Variants in CUTC observed in about 807,000 individuals in gnomAD.
CUTC encodes cutC copper transporter, also known as copper homeostasis protein cutC homolog.
Under a neutral mutation model 36.2 loss-of-function variants are expected in CUTC, and 27 were observed. That is an observed-to-expected ratio of 0.75 (90% CI 0.55 to 1.03). CUTC has a LOEUF of 1.03. CUTC is among the 50% of genes least tolerant of loss of function. The probability of loss-of-function intolerance (pLI) is 0.00; values close to 1 mark genes in which losing one functional copy is unlikely to be tolerated. For synonymous variants in CUTC, 114 were observed against 118.3 expected (o/e 0.96, Z 0.24); for missense variants, 315 against 343.5 (o/e 0.92, Z 0.66).
intron 6 of CUTC, among the ~76,000 whole-genome samples, chr10:99,748,776 T>C (rs958176914): frequency 1.3e-5 from 2 of 152,008 alleles, no homozygotes; most frequent in African/African-American, 2.4e-5. Flanking sequence ...TTGGGGGCAG[T>C]GGGAGTGAGG....
intron 1 of CUTC, among the ~76,000 whole-genome samples, chr10:99,732,823 G>A (rs2037231112): frequency 6.6e-6 from 1 of 152,142 alleles, no homozygotes; most frequent in African/African-American, 2.4e-5. Flanking sequence ...CGGCGGGGAC[G>A]GGGCTTGGTC....
chr10:99,755,225 C>T (rs1324511006), intron 8 of CUTC, among the ~76,000 whole-genome samples: 1 of 152,050 alleles, frequency 6.6e-6, no homozygotes, highest in Admixed American at 6.6e-5. Flanking sequence ...AGGTGGCTCA[C>T]ACCTGTAATC....
chr10:99,742,165 C>T (rs1214709493), intron 3 of CUTC, among the ~76,000 whole-genome samples: 5 of 152,106 alleles, frequency 3.3e-5, no homozygotes, highest in Admixed American at 3.3e-4. Flanking sequence ...GCTTAATGTC[C>T]AGTGTCTTGC....
At chr10:99,747,487 T>G (rs905783032) in intron 6 of CUTC, 97 bp downstream of exon 6, 296 of 1,396,022 alleles carry the variant, frequency 2.1e-4, no homozygotes, top group Non-Finnish European at 2.8e-4. Flanking sequence ...TATTACTGAC[T>G]TTGTGGTTAC....
intron 1 of CUTC, 123 bp downstream of exon 1, chr10:99,732,532 C>T (rs2037220371): frequency 1.3e-6 from 2 of 1,488,576 alleles, no homozygotes; most frequent in Non-Finnish European, 8.9e-7. Context: ...GCCCCTTGGG[C>T]GGCACCTTCT....
In CUTC at chr10:99,736,228, A is replaced by G. The variant is rs2037296163; in HGVS notation, c.62-18A>G. On this transcript the variant is annotated intron_variant, in intron 1 of 8. Coordinates refer to ENST00000370476, the MANE Select transcript of CUTC (RefSeq NM_015960.3). ...GATAGAACCTTTATGAACTCTTACC[A>G]TTCTCCATGTATTTTAGGAGCAGCA... 5 of 1,609,262 alleles carry G rather than the reference A, an allele frequency of 3.1e-6. No homozygotes were observed. The highest frequency in any genetic ancestry group is 1.7e-5 in the Admixed American group (1 of 59,994).
chr10:99,747,660 G>A (rs2037388785), intron 6 of CUTC, among the ~76,000 whole-genome samples: 1 of 152,168 alleles, frequency 6.6e-6, no homozygotes, highest in South Asian at 2.1e-4. Context: ...TCTCTGCCAT[G>A]GGCATTGCAG....
intron 5 of CUTC, among the ~76,000 whole-genome samples, chr10:99,746,090 A>G (rs2037375827): frequency 6.6e-6 from 1 of 152,198 alleles, no homozygotes. Flanking sequence ...TCACCTGCCT[A>G]TCACATTTAA....
chr10:99,732,697 T>A, intron 1 of CUTC: 2 of 1,223,904 alleles, frequency 1.6e-6, no homozygotes, highest in Non-Finnish European at 2.1e-6. Context: ...TCACGTTTTT[T>A]CCGTCGCCAC....
intron 4 of CUTC, 30 bp downstream of exon 4, chr10:99,743,392 C>T (rs773721032): frequency 1.3e-6 from 2 of 1,575,610 alleles, no homozygotes; most frequent in Non-Finnish European, 1.7e-6. Context: ...ACGTAAAAGC[C>T]TCTAATGATA....
At chr10:99,751,364 T>A (rs952979746) in intron 7 of CUTC, among the ~76,000 whole-genome samples, 1 of 152,204 alleles carries the variant, frequency 6.6e-6, no homozygotes, top group Admixed American at 6.5e-5. Context: ...TTTGTTTGTT[T>A]GTTTGTTTTT....
intron 7 of CUTC, among the ~76,000 whole-genome samples, chr10:99,750,855 A>G (rs1359274676): frequency 6.6e-6 from 1 of 152,212 alleles, no homozygotes; most frequent in Non-Finnish European, 1.5e-5. Flanking sequence ...CTGATTGCCA[A>G]ATTATTTCTT....
At chr10:99,739,870 C>CTATGT (rs1447029330) in intron 3 of CUTC, 101 bp downstream of exon 3, 5 of 824,112 alleles carry the variant, frequency 6.1e-6, no homozygotes, top group Non-Finnish European at 9.9e-6. Flanking sequence ...GTCATGTTAA[C>CTATGT]TATGTTATGG....
At chr10:99,742,994 A>G (rs1434877816) in intron 3 of CUTC, among the ~76,000 whole-genome samples, 159 bp from the exon 4 acceptor site, 2 of 152,166 alleles carry the variant, frequency 1.3e-5, no homozygotes, top group Non-Finnish European at 2.9e-5. Flanking sequence ...AAATCGTTCT[A>G]TTTAACCCTT....
At chr10:99,748,658 G>A (rs1275936537) in intron 6 of CUTC, among the ~76,000 whole-genome samples, 1 of 152,108 alleles carries the variant, frequency 6.6e-6, no homozygotes, top group African/African-American at 2.4e-5. Context: ...CCCAAATTTG[G>A]GGAAATGAAG....
intron 5 of CUTC, among the ~76,000 whole-genome samples, chr10:99,746,753 A>G (rs1564657104): frequency 1.3e-5 from 2 of 151,780 alleles, no homozygotes; most frequent in African/African-American, 4.8e-5. Context: ...CCTTCACTGA[A>G]TTTTTTTATT....
chr10:99,732,523 C>T, intron 1 of CUTC, 114 bp downstream of exon 1: 1 of 1,500,722 alleles, frequency 6.7e-7, no homozygotes, highest in East Asian at 2.5e-5. Flanking sequence ...CTCCTTCCAG[C>T]CCCTTGGGCG....
chr10:99,732,436 G>T, intron 1 of CUTC, 27 bp downstream of exon 1: 1 of 1,549,188 alleles, frequency 6.5e-7, no homozygotes, highest in Non-Finnish European at 8.7e-7. Context: ...GGGAGGGGAC[G>T]GTCGGCCGAA....
intron 2 of CUTC, among the ~76,000 whole-genome samples, chr10:99,737,164 G>C (rs1194054263): frequency 6.6e-6 from 1 of 151,920 alleles, no homozygotes; most frequent in Non-Finnish European, 1.5e-5. Context: ...CAGCTACTTG[G>C]GAGGCTAAGG....
Sources: allele counts gnomAD v4.1 joint callset (sites outside exome capture counted in the v4.1 genomes callset), GRCh38; gene constraint gnomAD v4.1.1; transcripts MANE v1.5; gene names NCBI Gene and HGNC (gene_info 2026-07-23, HGNC 2026-07-21).